Variants in NAALADL2 observed in about 807,000 individuals in gnomAD.
NAALADL2 encodes the protein inactive N-acetylated-alpha-linked acidic dipeptidase-like protein 2.
Under a neutral mutation model 87.2 loss-of-function variants are expected in NAALADL2, and 76 were observed. The observed-to-expected ratio is 0.87, with a 90% CI of 0.72 to 1.05. The LOEUF (loss-of-function observed/expected upper bound fraction) is 1.05, where lower values mean the gene tolerates loss of function less well. Among genes scored for constraint, NAALADL2 ranks in the 50% least tolerant of loss-of-function variants. The pLI is 0.00. For missense variants in NAALADL2, 1,089 were observed against 945.8 expected (o/e 1.15, Z -1.99); for synonymous variants, 354 against 331.0 (o/e 1.07, Z -0.75).
At chr3:174,604,113 G>C (rs1267858048) in intron 2 of NAALADL2, among the ~76,000 whole-genome samples, 1 of 152,062 alleles carries the variant, frequency 6.6e-6, no homozygotes, top group African/African-American at 2.4e-5. Context: ...CAATATTTTT[G>C]TTGTCGTTGA....
intron 2 of NAALADL2, among the ~76,000 whole-genome samples, chr3:174,571,637 C>A (rs1714941353): frequency 6.6e-6 from 1 of 152,110 alleles, no homozygotes; most frequent in African/African-American, 2.4e-5. Flanking sequence ...CCTCGGCCTC[C>A]CAAAGTGCTG....
At chr3:175,631,999 T>G (rs1353033660) in intron 11 of NAALADL2, among the ~76,000 whole-genome samples, 1 of 152,024 alleles carries the variant, frequency 6.6e-6, no homozygotes. Context: ...GGTAAATAAA[T>G]CATTTTAATA....
chr3:175,344,953 A>G (rs978219026), intron 5 of NAALADL2, among the ~76,000 whole-genome samples: 2 of 152,148 alleles, frequency 1.3e-5, no homozygotes, highest in African/African-American at 4.8e-5. Flanking sequence ...GGAAACTAGA[A>G]CAAAAACATG....
rs539543021 is a variant in NAALADL2 at position 175,227,033 on chromosome 3, G to A, written c.546-6898G>A. Among the ~76,000 whole-genome samples, 33 of 151,866 alleles carry A rather than the reference G, an allele frequency of 2.2e-4. No homozygotes were observed. The South Asian group carries it at 2.5e-3, about 11-fold the overall frequency. On this transcript the variant is annotated intron_variant, in intron 2 of 13. Coordinates refer to ENST00000454872, the MANE Select transcript of NAALADL2 (RefSeq NM_207015.3). ...TAATACTATATTAGAAATATCACCC[G>A]GTATAGTATGAGTATCTGCATATGT...
chr3:175,423,191 G>A (rs1214768811), intron 5 of NAALADL2, among the ~76,000 whole-genome samples: 1 of 145,972 alleles, frequency 6.9e-6, no homozygotes, highest in Non-Finnish European at 1.5e-5. Flanking sequence ...TTCTTTTTTT[G>A]CACAAAGAAG....
At chr3:174,525,274 C>T (rs1255452695) in intron 1 of NAALADL2, among the ~76,000 whole-genome samples, 2 of 152,106 alleles carry the variant, frequency 1.3e-5, no homozygotes, top group Non-Finnish European at 2.9e-5. Flanking sequence ...TAAAGGAATG[C>T]CTGAAGCTAG....
chr3:174,922,266 T>C (rs1166446119), intron 1 of NAALADL2, among the ~76,000 whole-genome samples: 1 of 150,128 alleles, frequency 6.7e-6, no homozygotes, highest in Non-Finnish European at 1.5e-5. Context: ...GCTGTGATCA[T>C]GCCACTGCAC....
At chr3:174,536,665 G>A (rs548373570) in intron 1 of NAALADL2, 10 of 152,158 alleles carry the variant, frequency 6.6e-5, no homozygotes, top group Middle Eastern at 6.8e-3. Context: ...GTCTTAGGGC[G>A]TCTTTTATTC....
intron 9 of NAALADL2, among the ~76,000 whole-genome samples, chr3:175,477,608 A>G (rs537164729): frequency 2.1e-4 from 32 of 152,020 alleles, no homozygotes; most frequent in Non-Finnish European, 4.0e-4. Flanking sequence ...TTTCATATTT[A>G]TGTGTTTGTT....
At chr3:174,774,826 C>T (rs1264680780) in intron 3 of NAALADL2, among the ~76,000 whole-genome samples, 1 of 152,192 alleles carries the variant, frequency 6.6e-6, no homozygotes, top group Non-Finnish European at 1.5e-5. Context: ...AGAGATCATG[C>T]TCTCAGAGAG....
rs1475347744 is a variant in NAALADL2 at position 175,206,260 on chromosome 3, A to ATT, written c.546-27670_546-27669insTT. ...GATAAAAAACTATATATATATATATATATTTTTTTTTTTCACTGTGTGTGT... is the reference window on the plus strand; with the variant it reads ...GATAAAAAACTATATATATATATATATTTATTTTTTTTTTTCACTGTGTGTGT... On this transcript the variant is annotated intron_variant, in intron 2 of 13. Coordinates refer to ENST00000454872, the MANE Select transcript of NAALADL2 (RefSeq NM_207015.3). Among the ~76,000 whole-genome samples the ATT allele has an allele frequency of 1.3e-3, 121 of 92,652 alleles. 1 individual carries two copies. Among genetic ancestry groups the ATT allele is most frequent in the Middle Eastern group, 5.3e-3 (1 of 188 alleles). 60.8% of individuals were successfully genotyped at this position (92,652 alleles called of 152,430 possible).
At chr3:175,354,226 G>T (rs891917920) in intron 5 of NAALADL2, among the ~76,000 whole-genome samples, 7 of 151,762 alleles carry the variant, frequency 4.6e-5, no homozygotes, top group African/African-American at 1.7e-4. Context: ...GACACTTCAG[G>T]GTAAGAAAGA....
intron 1 of NAALADL2, among the ~76,000 whole-genome samples, chr3:174,927,042 A>G (rs1736161444): frequency 6.6e-6 from 1 of 152,000 alleles, no homozygotes; most frequent in African/African-American, 2.4e-5. Flanking sequence ...AAAAAAAAAA[A>G]AGGCAGGGGT....
chr3:174,835,048 A>T (rs1465275923), intron 3 of NAALADL2, among the ~76,000 whole-genome samples: 11 of 140,928 alleles, frequency 7.8e-5, no homozygotes, highest in African/African-American at 2.8e-4. Context: ...ATTTTAATAC[A>T]TACTATAGAA....
chr3:174,660,655 TATCATG>T (rs1725418623), intron 2 of NAALADL2, among the ~76,000 whole-genome samples: 2 of 152,124 alleles, frequency 1.3e-5, no homozygotes, highest in Admixed American at 6.6e-5. Context: ...CTTTATGCCT[TATCATG>T]ATAAATTTAT....
At chr3:174,623,690 C>A (rs1351725254) in intron 2 of NAALADL2, among the ~76,000 whole-genome samples, 1 of 151,680 alleles carries the variant, frequency 6.6e-6, no homozygotes, top group African/African-American at 2.4e-5. Context: ...TGCAGTTTAA[C>A]CCATGTTGTT....
intron 2 of NAALADL2, among the ~76,000 whole-genome samples, chr3:175,190,062 G>A (rs772072859): frequency 6.6e-6 from 1 of 151,794 alleles, no homozygotes; most frequent in Non-Finnish European, 1.5e-5. Flanking sequence ...AACTTAAAAT[G>A]GATAAAAGAC....
chr3:175,535,212 G>A (rs1395903799), intron 9 of NAALADL2, among the ~76,000 whole-genome samples: 2 of 152,120 alleles, frequency 1.3e-5, no homozygotes, highest in South Asian at 4.1e-4. Context: ...CCTGTCTTAG[G>A]TTACAAAAGC....
At chr3:175,222,325 C>T (rs748282468) in intron 2 of NAALADL2, among the ~76,000 whole-genome samples, 3 of 152,116 alleles carry the variant, frequency 2.0e-5, no homozygotes, top group Non-Finnish European at 2.9e-5. Context: ...TTTGTGCTTT[C>T]ATGAACTAGA....
Sources: allele counts gnomAD v4.1 joint callset (sites outside exome capture counted in the v4.1 genomes callset), GRCh38; gene constraint gnomAD v4.1.1; transcripts MANE v1.5; gene names NCBI Gene and HGNC (gene_info 2026-07-23, HGNC 2026-07-21).